Variants in RASSF8 observed in about 807,000 individuals in gnomAD.
RASSF8 encodes ras association domain-containing protein 8.
In RASSF8, 22 loss-of-function variants were observed where a neutral mutation model predicts 48.5. The observed-to-expected ratio is 0.45, with a 90% confidence interval of 0.32 to 0.65. RASSF8 has a LOEUF of 0.65. Ranked by LOEUF, RASSF8 falls within the 30% of genes least tolerant of loss-of-function variation. RASSF8 has a pLI of 0.03. For missense variants in RASSF8, 418 were observed against 489.2 expected (o/e 0.85, Z 1.37); for synonymous variants, 127 against 171.5 (o/e 0.74, Z 2.03).
chr12:26,075,389 C>T (rs1444630793), downstream of RASSF8, among the ~76,000 whole-genome samples: 1 of 152,166 alleles, frequency 6.6e-6, no homozygotes, highest in African/African-American at 2.4e-5. Flanking sequence ...TTCAAATGGG[C>T]TTCCTTTTTA....
intron 1 of RASSF8, among the ~76,000 whole-genome samples, chr12:25,993,060 A>T (rs1025547935): frequency 3.3e-5 from 5 of 152,320 alleles, no homozygotes; most frequent in Admixed American, 1.3e-4. Flanking sequence ...GGGCAGGTTC[A>T]CAAGAGCCCA....
rs201013951 is a variant in RASSF8, at chr12:26,034,421, AATC to A, written c.-108-20814_-108-20812del. ...GCAGATGAAGTAAAAAAAAAAAAAA[AATC>A]TCATGATGTTTTAAGAAAGATTATG... On this transcript the variant is annotated intron_variant, in intron 2 of 5. Coordinates refer to ENST00000689635, the MANE Select transcript of RASSF8 (RefSeq NM_001394098.1). Among the ~76,000 whole-genome samples, 542 of 151,258 alleles carry A rather than the reference AATC, an allele frequency of 3.6e-3. 4 individuals carry two copies. Among genetic ancestry groups the A allele is most frequent in the African/African-American group, 0.013 (531 of 41,258 alleles).
At chr12:25,984,916 AT>A (rs1404595503) in intron 1 of RASSF8, among the ~76,000 whole-genome samples, 1 of 152,200 alleles carries the variant, frequency 6.6e-6, no homozygotes, top group Non-Finnish European at 1.5e-5. Flanking sequence ...TGATCAGACC[AT>A]TTTTGGAAAG....
rs978487679 is a variant in RASSF8, at chr12:26,072,231, T to C, written c.*3413T>C. The C allele has an allele frequency of 1.6e-4, 160 of 972,132 alleles. No homozygotes were observed. The African/African-American group carries it at 2.6e-3, about 16-fold the overall frequency. 60.2% of individuals were successfully genotyped at this position (972,132 alleles called of 1,614,324 possible). A position where few individuals can be genotyped will look rare whatever the true frequency, so the allele number is the denominator to read the frequency against. On this transcript the variant is annotated 3_prime_UTR_variant, in exon 6 of 6. Transcript: ENST00000689635. ...AATTAGCTTATAATTATTACTTTTG[T>C]ATTGTGTTCAGTTTTTTAAGTTGCA...
chr12:26,072,483 A>AT lies in RASSF8; in HGVS notation c.*3666dup. 1 of 963,854 alleles carries AT rather than the reference A, an allele frequency of 1.0e-6. No homozygotes were observed. Among genetic ancestry groups the AT allele is most frequent in the Non-Finnish European group, 1.2e-6 (1 of 810,298 alleles). 59.7% of individuals were successfully genotyped at this position (963,854 alleles called of 1,614,324 possible). Reference sequence around the variant, plus strand: ...CAGAAAACTATTTCGTATACTAATTATATTAAACCAGCAGAAATATAAAGG... The same window carrying AT: ...CAGAAAACTATTTCGTATACTAATTATTATTAAACCAGCAGAAATATAAAGG... On this transcript the variant is annotated 3_prime_UTR_variant, in exon 6 of 6. Transcript: ENST00000689635.
At chr12:26,008,478 G>T (rs1942446330) in intron 2 of RASSF8, among the ~76,000 whole-genome samples, 1 of 152,132 alleles carries the variant, frequency 6.6e-6, no homozygotes, top group African/African-American at 2.4e-5. Flanking sequence ...AGTGATTAAA[G>T]ATCACAATAT....
intron 2 of RASSF8, among the ~76,000 whole-genome samples, chr12:25,997,156 A>G (rs573363561): frequency 1.3e-5 from 2 of 152,302 alleles, no homozygotes; most frequent in East Asian, 1.9e-4. Context: ...TTTAAAGCCC[A>G]TATTTTGTGT....
chr12:26,044,306 T>G (rs1264950372), intron 2 of RASSF8, among the ~76,000 whole-genome samples: 1 of 152,180 alleles, frequency 6.6e-6, no homozygotes, highest in East Asian at 1.9e-4. Flanking sequence ...TGCTTGAGTT[T>G]TGGTTTTTAC....
intron 1 of RASSF8, among the ~76,000 whole-genome samples, chr12:25,960,401 G>T (rs2136807250): frequency 6.6e-6 from 1 of 152,254 alleles, no homozygotes; most frequent in Admixed American, 6.5e-5. Flanking sequence ...GTGCAGGGTG[G>T]ACGCAAAAAT....
At chr12:25,973,446 G>C (rs191106040) in intron 1 of RASSF8, among the ~76,000 whole-genome samples, 3 of 152,250 alleles carry the variant, frequency 2.0e-5, no homozygotes, top group African/African-American at 7.2e-5. Flanking sequence ...TCCTCAGTTT[G>C]CTCATCATCC....
At chr12:25,977,495 G>C (rs1592224487) in intron 1 of RASSF8, among the ~76,000 whole-genome samples, 2 of 149,612 alleles carry the variant, frequency 1.3e-5, no homozygotes, top group Non-Finnish European at 3.0e-5. Flanking sequence ...TTTTTTTTCT[G>C]GAAATAACCC....
chr12:26,060,711 A>G (rs755190075), intron 3 of RASSF8, among the ~76,000 whole-genome samples: 14 of 152,206 alleles, frequency 9.2e-5, no homozygotes, highest in Non-Finnish European at 1.9e-4. Flanking sequence ...TGGACTGTGT[A>G]ATGTATTTTA....
rs142934563 is a variant in RASSF8, at chr12:25,973,044, A to T, written c.-203+13896A>T. 3.1e-3 allele frequency among the ~76,000 whole-genome samples: 465 copies of T among 151,770 alleles called. 5 individuals carry two copies. Among genetic ancestry groups the T allele is most frequent in the African/African-American group, 0.011 (445 of 41,372 alleles). Reference sequence around the variant, plus strand: ...TTGTTCATTCTTTTTTTTATGGATGACTTTTTTTGTTTTGAGACAGGGTCT... The same window carrying T: ...TTGTTCATTCTTTTTTTTATGGATGTCTTTTTTTGTTTTGAGACAGGGTCT... On this transcript the variant is annotated intron_variant, in intron 1 of 5. Coordinates refer to ENST00000689635, the MANE Select transcript of RASSF8 (RefSeq NM_001394098.1).
At chr12:26,079,060 A>G in exon 6 of RASSF8, 1 of 1,546,748 alleles carries the variant, frequency 6.5e-7, no homozygotes, top group Non-Finnish European at 8.7e-7. Context: ...GATAAGCAGG[A>G]GTGTAAAGAT....
intron 3 of RASSF8, among the ~76,000 whole-genome samples, chr12:26,058,069 T>C (rs1302519532): frequency 6.6e-6 from 1 of 152,242 alleles, no homozygotes; most frequent in Non-Finnish European, 1.5e-5. Context: ...AGTATACTTA[T>C]TTGTGAACAA....
At chr12:26,009,706 A>G (rs961541704) in intron 2 of RASSF8, among the ~76,000 whole-genome samples, 2 of 152,324 alleles carry the variant, frequency 1.3e-5, no homozygotes, top group Admixed American at 1.3e-4. Context: ...AAGAGAGTGA[A>G]GAAAGTAGAT....
intron 2 of RASSF8, among the ~76,000 whole-genome samples, chr12:26,034,997 A>G (rs1026148142): frequency 1.3e-5 from 2 of 152,070 alleles, no homozygotes; most frequent in Non-Finnish European, 2.9e-5. Context: ...GAACTATCCT[A>G]TTTTTGGTAT....
At chr12:26,042,457 T>C (rs1179119604) in intron 2 of RASSF8, among the ~76,000 whole-genome samples, 1 of 152,230 alleles carries the variant, frequency 6.6e-6, no homozygotes, top group Non-Finnish European at 1.5e-5. Flanking sequence ...ATTCCTTACA[T>C]TCTTTTTATT....
Position 26,000,747 on chromosome 12 carries a change from T to A in RASSF8, c.-109+5617T>A, listed in dbSNP as rs999506786. The stretch of plus-strand genomic sequence containing the variant: ...GCAATTGTAATACAGTGGTAGATAT[T>A]TGTGTATCTAAACGTATCTAAACAT... On this transcript the variant is annotated intron_variant, in intron 2 of 5. Transcript: ENST00000689635. Among the ~76,000 whole-genome samples, 3 of 152,306 alleles carry A rather than the reference T, an allele frequency of 2.0e-5. No homozygotes were observed. In the South Asian group the frequency reaches 6.2e-4, roughly 32 times the overall value.
Sources: allele counts gnomAD v4.1 joint callset (sites outside exome capture counted in the v4.1 genomes callset), GRCh38; gene constraint gnomAD v4.1.1; transcripts MANE v1.5; gene names NCBI Gene and HGNC (gene_info 2026-07-23, HGNC 2026-07-21).